Variants in SLC12A7 observed in about 807,000 individuals in gnomAD.
The protein encoded by SLC12A7 is K-Cl cotransporter 4.
A neutral mutation model predicts 120.6 loss-of-function variants in SLC12A7; 100 were observed. The observed-to-expected ratio is 0.83, with a 90% CI of 0.71 to 0.98. The LOEUF (loss-of-function observed/expected upper bound fraction) is 0.98. Among genes scored for constraint, SLC12A7 ranks in the 50% least tolerant of loss-of-function variants. SLC12A7 has a pLI of 0.00. For synonymous variants in SLC12A7, 760 were observed against 678.0 expected (o/e 1.12, Z -1.88); for missense variants, 1,373 against 1,548.1 (o/e 0.89, Z 1.90).
chr5:1,136,974 TCACA>T, the SLC12A7 span, among the ~76,000 whole-genome samples: 3 of 142,986 alleles, frequency 2.1e-5, no homozygotes, highest in African/African-American at 8.4e-5. Flanking sequence ...ACACATGTAC[TCACA>T]CACCACCAGG....
chr5:1,053,356 G>T lies in SLC12A7; in HGVS notation c.3153C>A (p.Asp1051Glu). The T allele has an allele frequency of 6.2e-7, 1 of 1,613,864 alleles. No homozygotes were observed. Among genetic ancestry groups the T allele is most frequent in the Non-Finnish European group, 8.5e-7 (1 of 1,179,976 alleles). The change falls in exon 23 of 24, where the codon GAC becomes GAA. Residue 1051 changes from aspartate to glutamate, a missense_variant. Transcript: ENST00000264930. The stretch of plus-strand genomic sequence containing the variant: ...CACTGCAAGAAAGGATACAGTTCTC[G>T]TCTCCCTGCCGGTTTTTGGGAGGAC... ...MPGPPKNRQG[D>E]ENYMEFLEVL...
At chr5:1,085,053 C>T (rs1739663112) in intron 7 of SLC12A7, among the ~76,000 whole-genome samples, 179 bp downstream of exon 7, 1 of 152,258 alleles carries the variant, frequency 6.6e-6, no homozygotes, top group African/African-American at 2.4e-5. Context: ...CGGCCCACCT[C>T]ACCGTTGGGT....
rs191084283 is a variant in SLC12A7, at chr5:1,078,249, G to A, written c.1455-242C>T. On this transcript the variant is annotated intron_variant, in intron 11 of 23. Coordinates refer to ENST00000264930, the MANE Select transcript of SLC12A7 (RefSeq NM_006598.3). Reference sequence around the variant, plus strand: ...CTGCTCACCTCAGGGTCGCTCTTGGGAGCAGGGAAGACCCAGCCTGGCATC... The same window carrying A: ...CTGCTCACCTCAGGGTCGCTCTTGGAAGCAGGGAAGACCCAGCCTGGCATC... Among the ~76,000 whole-genome samples, 471 of 152,232 alleles carry A rather than the reference G, an allele frequency of 3.1e-3. 1 individual carries two copies. Among genetic ancestry groups the A allele is most frequent in the Admixed American group, 5.1e-3 (78 of 15,302 alleles).
chr5:1,078,631 G>C (rs1738634471), intron 11 of SLC12A7, 70 bp downstream of exon 11: 1 of 1,303,078 alleles, frequency 7.7e-7, no homozygotes, highest in Non-Finnish European at 1.1e-6. Context: ...TAATTTCAAA[G>C]CCGAATTCAT....
At chr5:1,115,963 C>G (rs1386248339), upstream of SLC12A7, among the ~76,000 whole-genome samples, 1 of 148,714 alleles carries the variant, frequency 6.7e-6, no homozygotes, top group Non-Finnish European at 1.5e-5. Flanking sequence ...TGGTGAGCCT[C>G]TCCTGGCAGG....
intron 3 of SLC12A7, among the ~76,000 whole-genome samples, chr5:1,092,494 C>A (rs540592879): frequency 2.6e-5 from 4 of 152,332 alleles, no homozygotes; most frequent in African/African-American, 9.6e-5. Flanking sequence ...ACCCTCCCTT[C>A]TGAGAAGATA....
chr5:1,084,052 G>A lies in SLC12A7; in HGVS notation c.918-96C>T, dbSNP rs1739530861. On this transcript the variant is annotated intron_variant, in intron 7 of 23. Transcript: ENST00000264930. ...CCAACGGGCACCCATGGTGTCGCCC[G>A]CGAGTGGCTCCTGGCACCCTGCACC... 9 of 1,047,206 alleles carry A rather than the reference G, an allele frequency of 8.6e-6. No homozygotes were observed. The East Asian group carries it at 1.0e-4, about 12-fold the overall frequency. 64.9% of individuals were successfully genotyped at this position (1,047,206 alleles called of 1,614,324 possible).
intron 15 of SLC12A7, among the ~76,000 whole-genome samples, 191 bp from the exon 16 acceptor site, chr5:1,074,862 G>C (rs555771357): frequency 2.6e-5 from 4 of 152,326 alleles, no homozygotes; most frequent in Admixed American, 2.6e-4. Context: ...CACCGGGTCA[G>C]AGGGTGCTGT....
chr5:1,125,234 G>A, the SLC12A7 span, among the ~76,000 whole-genome samples: 1 of 151,806 alleles, frequency 6.6e-6, no homozygotes, highest in South Asian at 2.1e-4. Flanking sequence ...TGAAGAGTGA[G>A]CCGTGATCGG....
At chr5:1,119,429 G>A in the SLC12A7 span, among the ~76,000 whole-genome samples, 4 of 152,192 alleles carry the variant, frequency 2.6e-5, no homozygotes, top group African/African-American at 7.2e-5. Context: ...AGGGGACGCC[G>A]CAGGCACGCA....
chr5:1,077,776 A>G, intron 12 of SLC12A7, 57 bp downstream of exon 12: 1 of 1,476,474 alleles, frequency 6.8e-7, no homozygotes, highest in Non-Finnish European at 9.0e-7. Flanking sequence ...CCCGCAGGGG[A>G]GGAGAGCCCC....
intron 1 of SLC12A7, among the ~76,000 whole-genome samples, chr5:1,111,557 C>T (rs1209923027): frequency 1.3e-5 from 2 of 152,158 alleles, no homozygotes; most frequent in Non-Finnish European, 2.9e-5. Context: ...CCCAGGGGCC[C>T]GGGCTCCCTC....
Position 1,084,771 on chromosome 5 carries a change from C to T in SLC12A7, c.917+461G>A, listed in dbSNP as rs189435498. The stretch of plus-strand genomic sequence containing the variant: ...GCTGCTGGCCCTTTCTGGACCTGCT[C>T]CCTGCGGGCTCTGGTGGCCACTCCC... On this transcript the variant is annotated intron_variant, in intron 7 of 23. Transcript: ENST00000264930. Among the ~76,000 whole-genome samples the T allele has an allele frequency of 6.3e-3, 965 of 152,270 alleles. 7 individuals are homozygous for T. The highest frequency in any genetic ancestry group is 8.8e-3 in the Non-Finnish European group (600 of 68,016).
chr5:1,055,137 C>T (rs1331306520), intron 22 of SLC12A7, among the ~76,000 whole-genome samples: 1 of 152,096 alleles, frequency 6.6e-6, no homozygotes. Context: ...TGTGTATACG[C>T]ACACACACAT....
At chr5:1,086,524 G>C (rs182382118) in intron 6 of SLC12A7, among the ~76,000 whole-genome samples, 1 of 152,352 alleles carries the variant, frequency 6.6e-6, no homozygotes, top group African/African-American at 2.4e-5. Context: ...CAAGTGCCCA[G>C]ATCAGGCAGA....
Position 1,081,570 on chromosome 5 carries a change from G to A in SLC12A7, c.1297+7C>T. 6.3e-7 allele frequency: 1 copy of A among 1,596,446 alleles called. No individual in the cohort carries two copies. The highest frequency in any genetic ancestry group is 8.6e-7 in the Non-Finnish European group (1 of 1,166,352). On this transcript the variant is annotated splice_region_variant and intron_variant, in intron 9 of 23. Transcript: ENST00000264930. ...AGAGAAGGGGAAGCCTGGAGCAGCG[G>A]GCTCACCGGTCACGGAAGGGAAGTA...
At chr5:1,143,543 C>T in the SLC12A7 span, among the ~76,000 whole-genome samples, 1 of 152,234 alleles carries the variant, frequency 6.6e-6, no homozygotes. Flanking sequence ...GTCCCTCCCT[C>T]AAGGTCCTAG....
chr5:1,062,433 C>G (rs1210850604), intron 20 of SLC12A7, among the ~76,000 whole-genome samples: 1 of 152,246 alleles, frequency 6.6e-6, no homozygotes, highest in Non-Finnish European at 1.5e-5. Context: ...CACATGGAAA[C>G]TAAGCCCAGT....
At chr5:1,058,801 G>A (rs779008627) in intron 21 of SLC12A7, among the ~76,000 whole-genome samples, 1 of 152,120 alleles carries the variant, frequency 6.6e-6, no homozygotes, top group African/African-American at 2.4e-5. Context: ...GCCCGCTCTC[G>A]GCAGAGCCAG....
Sources: allele counts gnomAD v4.1 joint callset (sites outside exome capture counted in the v4.1 genomes callset), GRCh38; gene constraint gnomAD v4.1.1; transcripts MANE v1.5; gene names NCBI Gene and HGNC (gene_info 2026-07-23, HGNC 2026-07-21).